PHLPP2: variants seen among roughly 807,000 people sequenced by gnomAD.
PHLPP2 encodes the protein PH domain and leucine rich repeat protein phosphatase 2.
Under a neutral mutation model 124.9 loss-of-function variants are expected in PHLPP2, and 66 were observed. The ratio of observed to expected loss-of-function variants is 0.53; its 90% CI spans 0.43 to 0.65. The LOEUF (loss-of-function observed/expected upper bound fraction) is 0.65. Among genes scored for constraint, PHLPP2 ranks in the 30% least tolerant of loss-of-function variants. The probability of loss-of-function intolerance (pLI) is 0.00; values close to 1 mark genes in which losing one functional copy is unlikely to be tolerated. For missense variants in PHLPP2, 1,685 were observed against 1,600.4 expected (o/e 1.05, Z -0.90); for synonymous variants, 681 against 624.7 (o/e 1.09, Z -1.34).
intron 1 of PHLPP2, chr16:71,723,930 C>T: frequency 1.7e-6 from 1 of 602,836 alleles, no homozygotes; most frequent in African/African-American, 2.0e-5. Context: ...CTCGGCGGCG[C>T]GCGCGAGCAA....
intron 11 of PHLPP2, among the ~76,000 whole-genome samples, chr16:71,668,770 A>T (rs1422567182): frequency 6.6e-6 from 1 of 152,130 alleles, no homozygotes; most frequent in Non-Finnish European, 1.5e-5. Flanking sequence ...TCTCCAAAAA[A>T]AAAAGACTAC....
chr16:71,668,642 G>A (rs2044863020), intron 11 of PHLPP2, among the ~76,000 whole-genome samples: 1 of 151,808 alleles, frequency 6.6e-6, no homozygotes, highest in African/African-American at 2.4e-5. Context: ...TGCACCCATA[G>A]TCCCAGCTAC....
rs767022708 is a variant in PHLPP2 at position 71,649,936 on chromosome 16, G to C, written c.2926C>G (p.Gln976Glu). ...PHISSTPLTI[Q>E]DELLILGNKA... The stretch of plus-strand genomic sequence containing the variant: ...TTTCCCAGAATCAGCAACTCATCTT[G>C]AATGGTCAGCGGAGTGGAAGATATG... Residue 976 changes from glutamine (Q) to glutamate (E), a missense_variant, in exon 19 of 19, where the codon CAA (glutamine) becomes GAA (glutamate). Gln to Glu is a conservative substitution (Grantham distance 29). Coordinates refer to ENST00000568954, the MANE Select transcript of PHLPP2 (RefSeq NM_015020.3). 3 of 1,614,152 alleles carry C rather than the reference G, an allele frequency of 1.9e-6. No individual in the cohort carries two copies. Among genetic ancestry groups the C allele is most frequent in the East Asian group, 4.5e-5 (2 of 44,884 alleles).
chr16:71,701,298 A>G lies in PHLPP2; in HGVS notation c.418+1300T>C, dbSNP rs1003805718. ...TATCTATCTATCTATCTATCTATCTATCTATCTATCTATCTATATATCTAT... is the reference window on the plus strand; with the variant it reads ...TATCTATCTATCTATCTATCTATCTGTCTATCTATCTATCTATATATCTAT... On this transcript the variant is annotated intron_variant, in intron 3 of 18. Coordinates refer to ENST00000568954, the MANE Select transcript of PHLPP2 (RefSeq NM_015020.3). Among the ~76,000 whole-genome samples the G allele has an allele frequency of 6.5e-5, 6 of 91,626 alleles. No individual in the cohort carries two copies. In the Admixed American group the frequency reaches 7.0e-4, roughly 11 times the overall value. 60.1% of individuals were successfully genotyped at this position (91,626 alleles called of 152,430 possible). A position where few individuals can be genotyped will look rare whatever the true frequency, so the allele number is the denominator to read the frequency against.
At chr16:71,687,140 T>C (rs1246716655) in intron 4 of PHLPP2, among the ~76,000 whole-genome samples, 3 of 152,236 alleles carry the variant, frequency 2.0e-5, no homozygotes, top group African/African-American at 7.2e-5. Context: ...TATCTCACTA[T>C]TATTTTTATT....
rs536096990 is a variant in PHLPP2 at position 71,658,227 on chromosome 16, T to C, written c.2279+6A>G. The C allele has an allele frequency of 1.9e-6, 3 of 1,611,800 alleles. No homozygotes were observed. In the African/African-American group the frequency reaches 4.0e-5, roughly 21 times the overall value. On this transcript the variant is annotated splice_donor_region_variant and intron_variant, in intron 15 of 18. Coordinates refer to ENST00000568954, the MANE Select transcript of PHLPP2 (RefSeq NM_015020.3). ...CATAGAGATTCCATTTCAAATTTTT[T>C]CCTACCTAAATATGTCCAGTGTCTT...
In PHLPP2 at chr16:71,656,586, G is replaced by C; in HGVS notation, c.2375C>G (p.Ala792Gly). 6.2e-7 allele frequency: 1 copy of C among 1,604,688 alleles called. No homozygotes were observed. The highest frequency in any genetic ancestry group is 8.5e-7 in the Non-Finnish European group (1 of 1,171,662). The change falls in exon 16 of 19, where the codon GCA (alanine) becomes GGA (glycine). Residue 792 changes from alanine to glycine, a missense_variant. Physicochemically the swap from Ala to Gly is moderately conservative, Grantham distance 60. Coordinates refer to ENST00000568954, the MANE Select transcript of PHLPP2 (RefSeq NM_015020.3). Reference sequence around the variant, plus strand: ...ATATACTCACTTATTTCTCTGCCCTGCCATCTCAGCCAGTCCATGGCTCCA... The same window carrying C: ...ATATACTCACTTATTTCTCTGCCCTCCCATCTCAGCCAGTCCATGGCTCCA... ...TFWSHGLAEM[A>G]GQRNKLCVSA...
chr16:71,658,812 T>C lies in PHLPP2; in HGVS notation c.1989A>G (p.Lys663=). The C allele has an allele frequency of 6.2e-7, 1 of 1,613,950 alleles. No individual in the cohort carries two copies. Among genetic ancestry groups the C allele is most frequent in the Non-Finnish European group, 8.5e-7 (1 of 1,179,918 alleles). Residue 663 remains lysine (K), a synonymous_variant, in exon 14 of 19, where the codon AAA becomes AAG. Transcript: ENST00000568954. ...CCTCCAATTGCTCCAATTTATTTAG[T>C]TTGCTGAAAAAGAAACAACAGAATA... ...NNQLQTFPAS[K]LNKLEQLEEL... is the part of the protein sequence containing the mutation.
At chr16:71,695,129 T>A (rs1182961048) in intron 3 of PHLPP2, among the ~76,000 whole-genome samples, 2 of 152,132 alleles carry the variant, frequency 1.3e-5, no homozygotes, top group African/African-American at 4.8e-5. Context: ...TTTTAAAGCC[T>A]AATAATATTG....
At chr16:71,671,492 A>C (rs2044892480) in intron 10 of PHLPP2, among the ~76,000 whole-genome samples, 1 of 152,114 alleles carries the variant, frequency 6.6e-6, no homozygotes, top group Non-Finnish European at 1.5e-5. Context: ...TCTACCGCTG[A>C]ACCCAGAATG....
intron 13 of PHLPP2, among the ~76,000 whole-genome samples, chr16:71,662,455 G>C (rs1048209729): frequency 4.6e-5 from 7 of 151,400 alleles, no homozygotes; most frequent in African/African-American, 1.7e-4. Context: ...TAAATAAGTT[G>C]GGTATGGTGG....
chr16:71,672,143 T>C (rs942943216), intron 10 of PHLPP2, 119 bp downstream of exon 10: 1 of 708,900 alleles, frequency 1.4e-6, no homozygotes, highest in Non-Finnish European at 2.5e-6. Context: ...TTCTCCTTTT[T>C]CCAGGTTATC....
At chr16:71,683,773 A>C (rs1279565308) in intron 5 of PHLPP2, among the ~76,000 whole-genome samples, 1 of 152,170 alleles carries the variant, frequency 6.6e-6, no homozygotes, top group East Asian at 1.9e-4. Context: ...CTTGGGAATA[A>C]GTTCAGTTTC....
In PHLPP2 at chr16:71,690,619, G is replaced by A; in HGVS notation, c.509C>T (p.Ala170Val). 1 of 1,611,342 alleles carries A rather than the reference G, an allele frequency of 6.2e-7. No individual in the cohort carries two copies. Among genetic ancestry groups the A allele is most frequent in the Non-Finnish European group, 8.5e-7 (1 of 1,177,466 alleles). The stretch of plus-strand genomic sequence containing the variant: ...ACCACAGAGGACAACTAGGCGCTCA[G>A]CCCACTTATGCAGCTGGGTCTTTCC... Reference protein sequence around the residue: ...RKGKTQLHKWAERLVVLCGTC... With the variant: ...RKGKTQLHKWVERLVVLCGTC... Residue 170 changes from alanine to valine, a missense_variant, in exon 4 of 19, where the codon GCT (alanine) becomes GTT (valine). Physicochemically the swap from Ala to Val is moderately conservative, Grantham distance 64. Coordinates refer to ENST00000568954, the MANE Select transcript of PHLPP2 (RefSeq NM_015020.3).
At chr16:71,684,403 G>A (rs920277417) in intron 5 of PHLPP2, 73 bp downstream of exon 5, 4 of 1,510,726 alleles carry the variant, frequency 2.6e-6, no homozygotes, top group Non-Finnish European at 3.6e-6. Context: ...TGGGATTACA[G>A]ACGTGAGCCA....
intron 2 of PHLPP2, among the ~76,000 whole-genome samples, chr16:71,713,800 T>C (rs1232920818): frequency 6.6e-6 from 1 of 152,044 alleles, no homozygotes; most frequent in Non-Finnish European, 1.5e-5. Context: ...AGAATATTCC[T>C]AGCGTGCATA....
At chr16:71,682,116 A>C (rs1217448516) in intron 5 of PHLPP2, among the ~76,000 whole-genome samples, 1 of 152,192 alleles carries the variant, frequency 6.6e-6, no homozygotes, top group Non-Finnish European at 1.5e-5. Context: ...ATAAATTATA[A>C]AGTCTCTATA....
At chr16:71,716,580 T>C (rs1396362388) in intron 1 of PHLPP2, among the ~76,000 whole-genome samples, 1 of 152,222 alleles carries the variant, frequency 6.6e-6, no homozygotes, top group Non-Finnish European at 1.5e-5. Context: ...TCCACTGACA[T>C]TTCCGCAGCC....
At chr16:71,702,457 TTTGG>T in intron 3 of PHLPP2, 137 bp downstream of exon 3, 1 of 559,374 alleles carries the variant, frequency 1.8e-6, no homozygotes, top group African/African-American at 1.9e-5. Flanking sequence ...TTTGTTGTTG[TTTGG>T]TTGGTGTTAA....
Sources: gnomAD v4.1 joint callset for allele counts (sites outside exome capture counted in the v4.1 genomes callset) on GRCh38, gnomAD v4.1.1 for gene constraint, MANE v1.5 for transcripts, NCBI Gene and HGNC (gene_info 2026-07-23, HGNC 2026-07-21) for gene names.